Variants in ANKRD30BL observed in about 807,000 individuals in gnomAD.
ANKRD30BL encodes the protein ankyrin repeat domain 30B like, also known as putative ankyrin repeat domain-containing protein 30B-like.
In ANKRD30BL, 20 loss-of-function variants were observed where a neutral mutation model predicts 18.4. The ratio of observed to expected loss-of-function variants is 1.09; its 90% CI spans 0.77 to 1.58. ANKRD30BL has a LOEUF of 1.58. Among genes scored for constraint, ANKRD30BL ranks in the 40% most tolerant of loss-of-function variants. ANKRD30BL has a pLI of 0.00. For missense variants in ANKRD30BL, 224 were observed against 268.6 expected (o/e 0.83, Z 1.16); for synonymous variants, 72 against 100.9 (o/e 0.71, Z 1.72).
chr2:132,186,240 T>C (rs1160577173), intron 1 of ANKRD30BL, among the ~76,000 whole-genome samples: 5 of 152,106 alleles, frequency 3.3e-5, no homozygotes, highest in African/African-American at 1.2e-4. Context: ...TTGAAATAAC[T>C]AATAGTTAAT....
At chr2:132,162,730 C>A (rs1313702355), upstream of ANKRD30BL, among the ~76,000 whole-genome samples, 2 of 152,386 alleles carry the variant, frequency 1.3e-5, no homozygotes, top group East Asian at 1.9e-4. Context: ...GTGTGGCACA[C>A]GCCCTCCCAC....
At chr2:132,162,909 A>G (rs974017697), upstream of ANKRD30BL, among the ~76,000 whole-genome samples, 3 of 152,218 alleles carry the variant, frequency 2.0e-5, no homozygotes, top group African/African-American at 7.2e-5. Context: ...CGCCAAGTGC[A>G]GGTAGCGGCT....
At chr2:132,213,131 T>C (rs1044925781) in intron 1 of ANKRD30BL, among the ~76,000 whole-genome samples, 4 of 140,166 alleles carry the variant, frequency 2.9e-5, no homozygotes, top group Admixed American at 2.7e-4. Context: ...TTGAGGCCTA[T>C]GGTGGAAAAA....
intron 1 of ANKRD30BL, among the ~76,000 whole-genome samples, chr2:132,217,232 C>T (rs1679530338): frequency 1.3e-5 from 2 of 151,918 alleles, no homozygotes; most frequent in African/African-American, 2.4e-5. Context: ...ATTTGGACCA[C>T]TTTGAGGCTT....
intron 1 of ANKRD30BL, among the ~76,000 whole-genome samples, chr2:132,208,985 C>A (rs368598024): frequency 6.6e-6 from 1 of 151,972 alleles, no homozygotes; most frequent in Non-Finnish European, 1.5e-5. Context: ...CGCTTTACAG[C>A]CTATGGTGGA....
chr2:132,150,328 TTAAC>T (rs1687726787), intron 5 of ANKRD30BL, among the ~76,000 whole-genome samples: 2 of 151,912 alleles, frequency 1.3e-5, no homozygotes, highest in Admixed American at 6.5e-5. Flanking sequence ...AACAGTTTAT[TTAAC>T]TGTGTTTCTT....
intron 1 of ANKRD30BL, among the ~76,000 whole-genome samples, chr2:132,208,080 C>T (rs912695902): frequency 6.6e-6 from 1 of 152,064 alleles, no homozygotes; most frequent in Non-Finnish European, 1.5e-5. Context: ...CCGCTGGCTC[C>T]ATAGGAAAAT....
chr2:132,167,271 TTTATTTTTATTTTATTTTATTTTA>T (rs1188267767), intron 1 of ANKRD30BL, among the ~76,000 whole-genome samples: 4 of 148,716 alleles, frequency 2.7e-5, no homozygotes, highest in African/African-American at 9.8e-5. Context: ...ATTACATTCA[TTTATTTTTATTTTATTTTATTTTA>T]TTTTATTTTA....
upstream of ANKRD30BL, among the ~76,000 whole-genome samples, chr2:132,165,580 G>T (rs1200162586): frequency 6.7e-6 from 1 of 149,932 alleles, no homozygotes; most frequent in Non-Finnish European, 1.5e-5. Context: ...AAAATTAGCC[G>T]GACATGGTGG....
intron 1 of ANKRD30BL, among the ~76,000 whole-genome samples, chr2:132,213,986 A>C (rs4630814): frequency 1.7e-5 from 2 of 119,446 alleles, no homozygotes; most frequent in East Asian, 2.7e-4. Flanking sequence ...AACGAAATAT[A>C]TTCACTTAAA....
chr2:132,231,697 G>A (rs1680020794), intron 1 of ANKRD30BL, among the ~76,000 whole-genome samples: 1 of 152,164 alleles, frequency 6.6e-6, no homozygotes, highest in South Asian at 2.1e-4. Flanking sequence ...TACACCCACG[G>A]AGTCTCGCTG....
At chr2:132,174,916 T>C (rs532032314) in intron 1 of ANKRD30BL, among the ~76,000 whole-genome samples, 3 of 152,310 alleles carry the variant, frequency 2.0e-5, no homozygotes, top group South Asian at 2.1e-4. Context: ...ACTCTCTACA[T>C]TGAAAAACTC....
chr2:132,214,381 C>A (rs1019757526), intron 1 of ANKRD30BL, among the ~76,000 whole-genome samples: 1 of 151,920 alleles, frequency 6.6e-6, no homozygotes, highest in Non-Finnish European at 1.5e-5. Flanking sequence ...GTGATCTGTG[C>A]ATTCGTCTCA....
intron 1 of ANKRD30BL, among the ~76,000 whole-genome samples, chr2:132,225,435 G>A (rs79491231): frequency 1.3e-5 from 2 of 151,496 alleles, no homozygotes; most frequent in Non-Finnish European, 3.0e-5. Context: ...CTCTTTTAGT[G>A]GAATCTGCAA....
chr2:132,246,630 G>A (rs113130197), intron 1 of ANKRD30BL, among the ~76,000 whole-genome samples: 2 of 151,262 alleles, frequency 1.3e-5, no homozygotes, highest in African/African-American at 4.8e-5. Flanking sequence ...CTGGAAACGG[G>A]TATATCTTCA....
chr2:132,241,734 T>C (rs1448191973), intron 1 of ANKRD30BL, among the ~76,000 whole-genome samples: 1 of 151,944 alleles, frequency 6.6e-6, no homozygotes, highest in East Asian at 1.9e-4. Flanking sequence ...TTCTGATGTG[T>C]GTACTCAACT....
intron 1 of ANKRD30BL, among the ~76,000 whole-genome samples, chr2:132,236,738 C>G (rs186093591): frequency 2.8e-4 from 43 of 152,206 alleles, no homozygotes; most frequent in African/African-American, 1.0e-3. Flanking sequence ...GGATCTAGGA[C>G]TAGAAATACC....
intron 1 of ANKRD30BL, among the ~76,000 whole-genome samples, chr2:132,197,791 A>G (rs1387514750): frequency 6.6e-6 from 1 of 151,894 alleles, no homozygotes; most frequent in African/African-American, 2.4e-5. Flanking sequence ...TTTGAAAGGA[A>G]CAGTGTTGGA....
intron 1 of ANKRD30BL, among the ~76,000 whole-genome samples, chr2:132,187,188 G>GTTTTTTT (rs1193358076): frequency 2.3e-4 from 21 of 90,622 alleles, no homozygotes; most frequent in Admixed American, 3.9e-4. Flanking sequence ...TTTTTTGTTT[G>GTTTTTTT]TTTTTTTTTT....
Sources: gnomAD v4.1 joint callset for allele counts (sites outside exome capture counted in the v4.1 genomes callset) on GRCh38, gnomAD v4.1.1 for gene constraint, MANE v1.5 for transcripts, NCBI Gene and HGNC (gene_info 2026-07-23, HGNC 2026-07-21) for gene names.